Variants in GPM6A observed in about 807,000 individuals in gnomAD.
GPM6A encodes the protein neuronal membrane glycoprotein M6-a.
A neutral mutation model predicts 32.1 loss-of-function variants in GPM6A; 7 were observed. The observed-to-expected ratio is 0.22, with a 90% CI of 0.12 to 0.41. The LOEUF (loss-of-function observed/expected upper bound fraction) is 0.41. Among genes scored for constraint, GPM6A ranks in the 10% least tolerant of loss-of-function variants. GPM6A has a pLI of 1.00. For synonymous variants in GPM6A, 130 were observed against 123.4 expected (o/e 1.05, Z -0.35); for missense variants, 235 against 347.2 (o/e 0.68, Z 2.57).
intron 1 of GPM6A, among the ~76,000 whole-genome samples, chr4:175,721,045 T>TACATATATATATATA (rs56306914): frequency 7.6e-6 from 1 of 131,520 alleles, no homozygotes; most frequent in Non-Finnish European, 1.6e-5. Context: ...ATATATTATA[T>TACATATATATATATA]ATATATATGT....
chr4:175,812,864 T>A (rs1164835974), upstream of GPM6A: 1 of 985,342 alleles, frequency 1.0e-6, no homozygotes, highest in East Asian at 1.1e-4. Flanking sequence ...AAGTATTTAG[T>A]TAATTTGATT....
At chr4:175,791,107 T>G (rs191536284) in intron 1 of GPM6A, among the ~76,000 whole-genome samples, 230 of 152,272 alleles carry the variant, frequency 1.5e-3, no homozygotes, top group African/African-American at 5.3e-3. Context: ...TTTCACAATT[T>G]ATAATCATGT....
At chr4:175,964,431 T>C (rs1475025409) in intron 1 of GPM6A, among the ~76,000 whole-genome samples, 1 of 152,180 alleles carries the variant, frequency 6.6e-6, no homozygotes, top group Non-Finnish European at 1.5e-5. Context: ...AGTACCACAT[T>C]GACTGGGTGG....
intron 1 of GPM6A, among the ~76,000 whole-genome samples, chr4:175,793,022 T>C (rs971951642): frequency 2.6e-5 from 4 of 152,126 alleles, no homozygotes; most frequent in Non-Finnish European, 4.4e-5. Context: ...CTATAAACAA[T>C]ACAAAAATCA....
At chr4:175,849,380 A>C (rs749335477) in intron 1 of GPM6A, among the ~76,000 whole-genome samples, 13 of 152,202 alleles carry the variant, frequency 8.5e-5, no homozygotes, top group Non-Finnish European at 1.9e-4. Context: ...ACCTTTGGCG[A>C]ATGCAGTATC....
At chr4:175,993,422 A>G (rs2126464521) in intron 1 of GPM6A, among the ~76,000 whole-genome samples, 1 of 151,550 alleles carries the variant, frequency 6.6e-6, no homozygotes, top group Non-Finnish European at 1.5e-5. Flanking sequence ...TGTCTCATCT[A>G]CTTTTCAGCT....
At chr4:175,941,000 T>C (rs1408929216) in intron 1 of GPM6A, among the ~76,000 whole-genome samples, 6 of 152,252 alleles carry the variant, frequency 3.9e-5, no homozygotes, top group Non-Finnish European at 8.8e-5. Context: ...TTCCATTTCA[T>C]GGCAGGATGT....
chr4:175,708,006 C>A (rs1437802065), intron 1 of GPM6A, among the ~76,000 whole-genome samples: 1 of 152,104 alleles, frequency 6.6e-6, no homozygotes, highest in Admixed American at 6.5e-5. Flanking sequence ...ATTTGTCATG[C>A]TAACTTTGTT....
chr4:175,995,603 T>C (rs1387839255), intron 1 of GPM6A, among the ~76,000 whole-genome samples: 1 of 152,094 alleles, frequency 6.6e-6, no homozygotes, highest in Admixed American at 6.6e-5. Context: ...ATGTTAAAAT[T>C]GCAGGTCCAG....
intron 1 of GPM6A, among the ~76,000 whole-genome samples, chr4:175,824,163 T>C (rs1236456381): frequency 6.6e-6 from 1 of 152,198 alleles, no homozygotes; most frequent in Non-Finnish European, 1.5e-5. Flanking sequence ...ACATATGGTC[T>C]CTTTGGATAG....
At chr4:175,948,720 T>C (rs960147999) in intron 1 of GPM6A, among the ~76,000 whole-genome samples, 39 of 150,732 alleles carry the variant, frequency 2.6e-4, no homozygotes, top group African/African-American at 9.2e-4. Flanking sequence ...AGAATTATAA[T>C]TGTGATTCTG....
intron 1 of GPM6A, chr4:175,970,875 A>G (rs967117993): frequency 2.2e-6 from 1 of 456,008 alleles, no homozygotes; most frequent in African/African-American, 2.0e-5. Flanking sequence ...GCTCTTACCA[A>G]GTGTAGGCAT....
rs867279289 is a variant in GPM6A, at chr4:175,933,168, A to C, written c.-23+69141T>G. Among the ~76,000 whole-genome samples, 9 of 152,094 alleles carry C rather than the reference A, an allele frequency of 5.9e-5. No individual in the cohort carries two copies. In the South Asian group the frequency reaches 1.0e-3, roughly 18 times the overall value. ...CATTAAAAATGGGCAAAAGGATGGA[A>C]TACTTCAAAAAAAAACTCCATTAAA... On this transcript the variant is annotated intron_variant, in intron 1 of 7. Coordinates refer to the GPM6A transcript ENST00000280187.
intron 1 of GPM6A, among the ~76,000 whole-genome samples, chr4:175,992,875 TA>T (rs1221036515): frequency 6.6e-6 from 1 of 152,216 alleles, no homozygotes; most frequent in Non-Finnish European, 1.5e-5. Flanking sequence ...TCTTATCATT[TA>T]AAAAACTCAA....
intron 1 of GPM6A, among the ~76,000 whole-genome samples, chr4:175,913,310 T>G (rs147181075): frequency 1.1e-4 from 17 of 152,324 alleles, no homozygotes; most frequent in African/African-American, 4.1e-4. Context: ...TGCGTATATA[T>G]TCATGTGTTT....
chr4:175,654,529 C>T (rs1361340491), intron 3 of GPM6A, among the ~76,000 whole-genome samples: 1 of 151,990 alleles, frequency 6.6e-6, no homozygotes, highest in Non-Finnish European at 1.5e-5. Context: ...ATATTTTGTA[C>T]ATACTATGTA....
intron 3 of GPM6A, among the ~76,000 whole-genome samples, chr4:175,671,325 T>C (rs1406075579): frequency 2.0e-5 from 3 of 151,336 alleles, no homozygotes; most frequent in Non-Finnish European, 4.4e-5. Flanking sequence ...ATCCACCCTT[T>C]AGTATTATTC....
At chr4:175,935,996 T>TAA (rs35207552) in intron 1 of GPM6A, among the ~76,000 whole-genome samples, 5 of 149,490 alleles carry the variant, frequency 3.3e-5, no homozygotes, top group South Asian at 4.3e-4. Flanking sequence ...AAATATTTAG[T>TAA]AAAAAAAAAT....
chr4:175,891,587 C>T (rs1737650467), intron 1 of GPM6A: 1 of 152,140 alleles, frequency 6.6e-6, no homozygotes. Flanking sequence ...TACAGATTTC[C>T]TGATGATCTT....
Sources: allele counts gnomAD v4.1 joint callset (sites outside exome capture counted in the v4.1 genomes callset), GRCh38; gene constraint gnomAD v4.1.1; transcripts MANE v1.5; gene names NCBI Gene and HGNC (gene_info 2026-07-23, HGNC 2026-07-21).